MAPRE2: variants seen among roughly 807,000 people sequenced by gnomAD.
MAPRE2 encodes microtubule-associated protein RP/EB family member 2.
A neutral mutation model predicts 43.2 loss-of-function variants in MAPRE2; 13 were observed. That is an observed-to-expected ratio of 0.30 (90% CI 0.20 to 0.48). The LOEUF is 0.48. MAPRE2 is among the 20% of genes least tolerant of loss of function. The pLI is 0.99. For synonymous variants in MAPRE2, 135 were observed against 148.8 expected (o/e 0.91, Z 0.68); for missense variants, 161 against 400.2 (o/e 0.40, Z 5.10).
intron 6 of MAPRE2, among the ~76,000 whole-genome samples, chr18:35,139,762 A>C (rs1910542942): frequency 6.6e-6 from 1 of 152,208 alleles, no homozygotes; most frequent in Non-Finnish European, 1.5e-5. Context: ...GGTTAGTAAC[A>C]TAACAAAGGG....
chr18:35,091,703 TC>T (rs1908157922), intron 2 of MAPRE2, among the ~76,000 whole-genome samples: 1 of 151,524 alleles, frequency 6.6e-6, no homozygotes. Flanking sequence ...GAGTGGGCTA[TC>T]CCACTCTCCC....
intron 2 of MAPRE2, among the ~76,000 whole-genome samples, chr18:35,077,569 G>T (rs1216543487): frequency 6.6e-6 from 1 of 152,198 alleles, no homozygotes; most frequent in Non-Finnish European, 1.5e-5. Context: ...CAGTTAATGA[G>T]AGTGATACTG....
intron 2 of MAPRE2, among the ~76,000 whole-genome samples, chr18:35,012,148 T>A (rs958068865): frequency 6.6e-6 from 1 of 152,118 alleles, no homozygotes; most frequent in Non-Finnish European, 1.5e-5. Context: ...ACAGGACACA[T>A]TGTAAACGTG....
rs970367170 is a variant in MAPRE2 at position 35,064,099 on chromosome 18, G to T, written c.123-6096G>T. Among the ~76,000 whole-genome samples, 4 of 146,026 alleles carry T rather than the reference G, an allele frequency of 2.7e-5. No individual in the cohort carries two copies. The South Asian group carries it at 6.6e-4, about 24-fold the overall frequency. On this transcript the variant is annotated intron_variant, in intron 1 of 6. Transcript: ENST00000300249. ...TCAGGGATGCTGATACAGTAGGATT[G>T]CTTGGGCCCAGGAGGCAGAGGTTGT...
intron 1 of MAPRE2, among the ~76,000 whole-genome samples, chr18:34,988,302 T>C (rs1193889999): frequency 6.6e-6 from 1 of 152,232 alleles, no homozygotes; most frequent in Non-Finnish European, 1.5e-5. Context: ...TTATGTCTGC[T>C]TTCCTGTCTT....
Position 35,140,305 on chromosome 18 carries a change from C to G in MAPRE2, c.920C>G (p.Thr307Arg). The G allele has an allele frequency of 6.2e-7, 1 of 1,613,764 alleles. No homozygotes were observed. Among genetic ancestry groups the G allele is most frequent in the Middle Eastern group, 1.7e-4 (1 of 6,052 alleles). The change falls in exon 7 of 7, where the codon ACA becomes AGA. Residue 307 changes from threonine (T) to arginine (R), a missense_variant. Physicochemically the swap from Thr to Arg is moderately conservative, Grantham distance 71. Around this residue, in one of 2 missense-constraint regions of MAPRE2, gnomAD observed 96 missense variants for 153.3 expected, o/e 0.63. Coordinates refer to ENST00000300249, the MANE Select transcript of MAPRE2 (RefSeq NM_014268.4). ...LYASEEHEGH[T>R]EEPEAEEQAH... is the part of the protein sequence containing the mutation. ...CTCCCCTGCCCACAGGAGGGCCACA[C>G]AGAAGAGCCGGAAGCAGAGGAGCAA...
chr18:35,097,401 G>C, intron 2 of MAPRE2, 45 bp from the exon 3 acceptor site: 1 of 1,587,606 alleles, frequency 6.3e-7, no homozygotes, highest in African/African-American at 1.3e-5. Flanking sequence ...TACCACATCT[G>C]GGTACAGTGA....
intron 4 of MAPRE2, among the ~76,000 whole-genome samples, chr18:35,115,018 CT>C (rs34432590): frequency 2.6e-5 from 4 of 151,954 alleles, no homozygotes; most frequent in African/African-American, 9.7e-5. Flanking sequence ...ATTATTGATA[CT>C]TTTTTTTGTT....
chr18:35,072,576 T>C (rs1251584779), intron 2 of MAPRE2, among the ~76,000 whole-genome samples: 4 of 152,348 alleles, frequency 2.6e-5, no homozygotes, highest in African/African-American at 2.4e-5. Context: ...TAAGAACAAA[T>C]TGTAATTTTT....
intron 2 of MAPRE2, among the ~76,000 whole-genome samples, chr18:35,008,881 C>T (rs1283913640): frequency 6.6e-6 from 1 of 152,016 alleles, no homozygotes; most frequent in Non-Finnish European, 1.5e-5. Flanking sequence ...TTTCAGAAAG[C>T]ATTTAATTTA....
At chr18:35,126,582 G>A (rs779435881) in intron 4 of MAPRE2, among the ~76,000 whole-genome samples, 5 of 152,158 alleles carry the variant, frequency 3.3e-5, no homozygotes, top group African/African-American at 4.8e-5. Context: ...TCTCTTGTTT[G>A]TTAGAAATTC....
chr18:35,080,476 G>A (rs927285638), intron 2 of MAPRE2, among the ~76,000 whole-genome samples: 1 of 152,184 alleles, frequency 6.6e-6, no homozygotes, highest in Non-Finnish European at 1.5e-5. Flanking sequence ...AAAGGTACAC[G>A]TCCAGCCTGT....
chr18:35,041,381 C>T, upstream of MAPRE2: 2 of 1,477,066 alleles, frequency 1.4e-6, no homozygotes, highest in Non-Finnish European at 1.8e-6. Flanking sequence ...GAGGGCGGGG[C>T]CGCAGGAGGG....
At chr18:35,043,145 C>A (rs910896570) in intron 1 of MAPRE2, among the ~76,000 whole-genome samples, 2 of 152,162 alleles carry the variant, frequency 1.3e-5, no homozygotes, top group African/African-American at 4.8e-5. Context: ...CTTTCAGAGA[C>A]CCTGTGATTG....
chr18:35,113,304 T>C (rs1909264187), intron 4 of MAPRE2, among the ~76,000 whole-genome samples: 1 of 152,248 alleles, frequency 6.6e-6, no homozygotes, highest in Non-Finnish European at 1.5e-5. Context: ...GCAGCGTCTG[T>C]AGAAAAGCCC....
At chr18:35,106,703 G>A (rs1908924980) in intron 4 of MAPRE2, among the ~76,000 whole-genome samples, 1 of 152,104 alleles carries the variant, frequency 6.6e-6, no homozygotes, top group African/African-American at 2.4e-5. Context: ...GCTTCTCTGT[G>A]TGTCGTTGGG....
intron 2 of MAPRE2, among the ~76,000 whole-genome samples, chr18:35,007,421 T>G (rs182330843): frequency 6.6e-6 from 1 of 152,226 alleles, no homozygotes; most frequent in Admixed American, 6.5e-5. Flanking sequence ...TATGGGGGTA[T>G]GGGACAAATG....
chr18:35,063,885 C>T (rs1906684829), intron 1 of MAPRE2, among the ~76,000 whole-genome samples: 1 of 151,602 alleles, frequency 6.6e-6, no homozygotes, highest in African/African-American at 2.4e-5. Flanking sequence ...GTAGTCCCAG[C>T]TTCTTGAGAG....
chr18:34,995,623 A>G (rs1021430394), intron 1 of MAPRE2, among the ~76,000 whole-genome samples: 7 of 152,176 alleles, frequency 4.6e-5, no homozygotes, highest in Non-Finnish European at 7.4e-5. Flanking sequence ...GAATAATTGC[A>G]GGAAGGAGGA....
Sources: gnomAD v4.1 joint callset for allele counts (sites outside exome capture counted in the v4.1 genomes callset) on GRCh38, gnomAD v4.1.1 for gene constraint, gnomAD v4.1.1 regional missense constraint, MANE v1.5 for transcripts, NCBI Gene and HGNC (gene_info 2026-07-23, HGNC 2026-07-21) for gene names.